The following TRABD2B variants were observed in gnomAD, a reference collection of about 807,000 sequenced individuals.
The protein encoded by TRABD2B is TraB domain containing 2B.
Under a neutral mutation model 40.1 loss-of-function variants are expected in TRABD2B, and 14 were observed. The observed-to-expected ratio is 0.35, with a 90% CI of 0.23 to 0.55. The LOEUF is 0.55. TRABD2B is among the 20% of genes least tolerant of loss of function. The probability of loss-of-function intolerance (pLI) is 0.90; values close to 1 mark genes in which losing one functional copy is unlikely to be tolerated. For missense variants in TRABD2B, 541 were observed against 648.6 expected, an observed-to-expected ratio of 0.83 and a Z score of 1.80; for synonymous variants, 263 against 277.0, an observed-to-expected ratio of 0.95 and a Z score of 0.50.
At chr1:47,875,321 G>A (rs1050232094) in intron 2 of TRABD2B, among the ~76,000 whole-genome samples, 10 of 150,792 alleles carry the variant, frequency 6.6e-5, no homozygotes, top group African/African-American at 2.2e-4. Flanking sequence ...CGCACAGCAC[G>A]CGGCAACACT....
intron 6 of TRABD2B, among the ~76,000 whole-genome samples, chr1:47,772,094 G>C (rs1411646184): frequency 6.6e-6 from 1 of 151,938 alleles, no homozygotes; most frequent in Non-Finnish European, 1.5e-5. Context: ...GGGAGAGGGG[G>C]AAGGGCAACC....
intron 4 of TRABD2B, among the ~76,000 whole-genome samples, chr1:47,790,625 G>A (rs1222887269): frequency 1.3e-5 from 2 of 152,204 alleles, no homozygotes; most frequent in Non-Finnish European, 2.9e-5. Flanking sequence ...AGGGCACCAC[G>A]TGCAAGGGAA....
At chr1:47,859,189 C>G (rs1300404028) in intron 2 of TRABD2B, among the ~76,000 whole-genome samples, 1 of 152,198 alleles carries the variant, frequency 6.6e-6, no homozygotes, top group Non-Finnish European at 1.5e-5. Context: ...AGCTTTGCAG[C>G]CCTGACCCTT....
intron 2 of TRABD2B, among the ~76,000 whole-genome samples, chr1:47,914,018 C>T (rs1471847128): frequency 2.0e-5 from 3 of 152,214 alleles, no homozygotes; most frequent in South Asian, 2.1e-4. Context: ...CCAAACATGG[C>T]GCCTGCCTTG....
chr1:47,881,820 T>TC (rs1644307657), intron 2 of TRABD2B, among the ~76,000 whole-genome samples: 1 of 152,326 alleles, frequency 6.6e-6, no homozygotes, highest in South Asian at 2.1e-4. Flanking sequence ...TGTCTGCATG[T>TC]CCTGATATAA....
intron 5 of TRABD2B, among the ~76,000 whole-genome samples, chr1:47,777,046 C>G (rs1211275920): frequency 2.0e-5 from 3 of 152,164 alleles, no homozygotes; most frequent in African/African-American, 7.2e-5. Context: ...GCTGAGAGTC[C>G]TTGGAGCAGA....
intron 6 of TRABD2B, among the ~76,000 whole-genome samples, chr1:47,767,216 C>A (rs6687375): frequency 0.028 from 4,331 of 152,132 alleles, 167 homozygotes; most frequent in African/African-American, 0.098. Context: ...AATGGCCATG[C>A]CTATCCTCGA....
intron 2 of TRABD2B, among the ~76,000 whole-genome samples, chr1:47,836,907 A>C (rs1354427470): frequency 6.6e-6 from 1 of 152,172 alleles, no homozygotes; most frequent in Non-Finnish European, 1.5e-5. Flanking sequence ...GGCCTCCAGG[A>C]CTGTGAGAAA....
chr1:47,872,153 T>C (rs1177380197), intron 2 of TRABD2B, among the ~76,000 whole-genome samples: 1 of 152,172 alleles, frequency 6.6e-6, no homozygotes, highest in African/African-American at 2.4e-5. Context: ...ACTAGTCCCA[T>C]CCTCTCTGGG....
chr1:47,797,022 G>A (rs1252968072), intron 3 of TRABD2B, among the ~76,000 whole-genome samples: 1 of 152,204 alleles, frequency 6.6e-6, no homozygotes, highest in East Asian at 1.9e-4. Flanking sequence ...ATCAGTGAAT[G>A]AATGAGTGAG....
At chr1:47,798,330 A>C (rs1024826989) in intron 3 of TRABD2B, among the ~76,000 whole-genome samples, 1 of 152,196 alleles carries the variant, frequency 6.6e-6, no homozygotes, top group East Asian at 1.9e-4. Flanking sequence ...CTGACTCTCA[A>C]AATTATCTGG....
intron 2 of TRABD2B, among the ~76,000 whole-genome samples, chr1:47,865,267 G>A (rs1644038949): frequency 6.6e-6 from 1 of 152,066 alleles, no homozygotes; most frequent in South Asian, 2.1e-4. Flanking sequence ...CCAGGAGCAG[G>A]AAACAAGGCC....
At chr1:47,779,374 GT>G (rs1337276415) in intron 4 of TRABD2B, among the ~76,000 whole-genome samples, 1 of 152,208 alleles carries the variant, frequency 6.6e-6, no homozygotes, top group Non-Finnish European at 1.5e-5. Context: ...CTCCATGTCA[GT>G]CCCCCACTCA....
chr1:47,977,878 G>A (rs940261720), intron 2 of TRABD2B, among the ~76,000 whole-genome samples: 6 of 152,010 alleles, frequency 3.9e-5, no homozygotes, highest in Non-Finnish European at 7.4e-5. Flanking sequence ...GAGATGTCCT[G>A]GTTCAGCCCT....
At chr1:47,796,599 A>C (rs557241403) in intron 3 of TRABD2B, among the ~76,000 whole-genome samples, 77 of 152,288 alleles carry the variant, frequency 5.1e-4, no homozygotes, top group African/African-American at 1.9e-3. Flanking sequence ...CCAGAGTGAG[A>C]GGAGAGGTAA....
At chr1:47,820,017 C>G (rs1645084602) in intron 2 of TRABD2B, 1 of 152,336 alleles carries the variant, frequency 6.6e-6, no homozygotes, top group Non-Finnish European at 1.5e-5. Flanking sequence ...CCAGGCACTC[C>G]CACCTCCACA....
chr1:47,775,522 G>A (rs1489339787), intron 5 of TRABD2B, 83 bp from the exon 6 acceptor site: 17 of 1,212,612 alleles, frequency 1.4e-5, no homozygotes, highest in Non-Finnish European at 1.7e-5. Flanking sequence ...AATTCAGTGG[G>A]AGTTTGTCAT....
intron 2 of TRABD2B, among the ~76,000 whole-genome samples, chr1:47,825,608 A>C (rs1029481700): frequency 1.3e-5 from 2 of 152,194 alleles, no homozygotes; most frequent in Non-Finnish European, 2.9e-5. Flanking sequence ...CATCCTTGGC[A>C]CAGTTCCCAA....
At chr1:47,775,584 G>A (rs1644434664) in intron 5 of TRABD2B, 145 bp from the exon 6 acceptor site, 1 of 783,892 alleles carries the variant, frequency 1.3e-6, no homozygotes, top group South Asian at 6.7e-5. Flanking sequence ...CAGCAGCCCA[G>A]GAAAACCTCG....
Sources: allele counts gnomAD v4.1 joint callset (sites outside exome capture counted in the v4.1 genomes callset), GRCh38; gene constraint gnomAD v4.1.1; transcripts MANE v1.5; gene names NCBI Gene and HGNC (gene_info 2026-07-23, HGNC 2026-07-21).